The following PTPRT variants were observed in gnomAD, a reference collection of about 807,000 sequenced individuals.
PTPRT encodes receptor-type tyrosine-protein phosphatase T.
PTPRT carries 56 observed loss-of-function variants against 176.8 expected under a neutral mutation model. That is an observed-to-expected ratio of 0.32 (90% CI 0.26 to 0.40). The LOEUF (loss-of-function observed/expected upper bound fraction) is 0.40, where lower values mean the gene tolerates loss of function less well. Ranked by LOEUF, PTPRT falls within the 10% of genes least tolerant of loss-of-function variation. The pLI, the probability that PTPRT is intolerant of heterozygous loss-of-function variation, is 1.00. For synonymous variants in PTPRT, 783 were observed against 739.0 expected (o/e 1.06, Z -0.96); for missense variants, 1,540 against 1,908.2 (o/e 0.81, Z 3.60).
At chr20:43,075,837 A>G (rs1202506872) in intron 1 of PTPRT, among the ~76,000 whole-genome samples, 1 of 152,238 alleles carries the variant, frequency 6.6e-6, no homozygotes, top group Admixed American at 6.5e-5. Context: ...CACAGTTAGA[A>G]TTTCTAAAGC....
chr20:42,630,333 C>A (rs942417884), intron 7 of PTPRT, among the ~76,000 whole-genome samples: 3 of 152,250 alleles, frequency 2.0e-5, no homozygotes, highest in African/African-American at 7.2e-5. Flanking sequence ...ATCTGACTCC[C>A]AGAAGGCCAG....
Position 42,437,711 on chromosome 20 carries a change from G to C in PTPRT, c.1560+10509C>G, listed in dbSNP as rs752073757. 5.4e-4 allele frequency among the ~76,000 whole-genome samples: 82 copies of C among 152,064 alleles called. 2 individuals are homozygous for C. Among genetic ancestry groups the C allele is most frequent in the Non-Finnish European group, 2.2e-4 (15 of 68,028 alleles). On this transcript the variant is annotated intron_variant, in intron 9 of 30. Transcript: ENST00000373187. ...AAAATGCCCATTGACTTAAGGTGAG[G>C]GGAGAAAAACCACCTGCTAGCTCCC...
chr20:42,444,276 T>G (rs1265578767), intron 9 of PTPRT, among the ~76,000 whole-genome samples: 1 of 148,966 alleles, frequency 6.7e-6, no homozygotes, highest in East Asian at 2.0e-4. Context: ...TCAGAGACTT[T>G]GGCTGGCTTA....
At chr20:42,986,219 C>G (rs368262439) in intron 1 of PTPRT, among the ~76,000 whole-genome samples, 1 of 152,326 alleles carries the variant, frequency 6.6e-6, no homozygotes, top group East Asian at 1.9e-4. Flanking sequence ...GAAATGGGAG[C>G]GGCCTCAAGC....
chr20:42,798,087 C>A (rs1394357637), intron 2 of PTPRT, among the ~76,000 whole-genome samples: 4 of 152,188 alleles, frequency 2.6e-5, no homozygotes, highest in Admixed American at 6.5e-5. Context: ...CTACGCATGT[C>A]CCTGCTGCTA....
chr20:42,440,052 A>G (rs1339013006), intron 9 of PTPRT, among the ~76,000 whole-genome samples: 1 of 151,852 alleles, frequency 6.6e-6, no homozygotes, highest in Non-Finnish European at 1.5e-5. Context: ...GACTACAGGC[A>G]TGCGCCACCA....
At chr20:42,043,185 A>G in the PTPRT span, among the ~76,000 whole-genome samples, 1 of 152,216 alleles carries the variant, frequency 6.6e-6, no homozygotes, top group Non-Finnish European at 1.5e-5. Flanking sequence ...AAGCTTTCCC[A>G]AGACTTTTCC....
chr20:42,256,770 G>A lies in PTPRT; in HGVS notation c.2177-7948C>T, dbSNP rs190271762. 3.5e-4 allele frequency among the ~76,000 whole-genome samples: 54 copies of A among 152,258 alleles called. No individual in the cohort carries two copies. In the East Asian group the frequency reaches 9.5e-3, roughly 27 times the overall value. ...AGACAATGCTGGGGAAACTCAGAGGGTGGTAGTATCAGGAAGCCACTACCC... is the reference window on the plus strand; with the variant it reads ...AGACAATGCTGGGGAAACTCAGAGGATGGTAGTATCAGGAAGCCACTACCC... On this transcript the variant is annotated intron_variant, in intron 13 of 30. Coordinates refer to ENST00000373187, the MANE Select transcript of PTPRT (RefSeq NM_007050.6).
At chr20:42,389,020 G>A (rs765050731) in intron 9 of PTPRT, among the ~76,000 whole-genome samples, 17 of 151,320 alleles carry the variant, frequency 1.1e-4, no homozygotes, top group African/African-American at 2.2e-4. Flanking sequence ...GCAAACTATC[G>A]CAAGGACAAA....
intron 7 of PTPRT, among the ~76,000 whole-genome samples, chr20:42,482,241 T>TTTAA: frequency 6.6e-6 from 1 of 152,100 alleles, no homozygotes; most frequent in Non-Finnish European, 1.5e-5. Context: ...GCAAGGAGGC[T>TTTAA]AATGGCCACA....
At chr20:42,935,533 T>C (rs1238259521) in intron 1 of PTPRT, among the ~76,000 whole-genome samples, 1 of 151,922 alleles carries the variant, frequency 6.6e-6, no homozygotes, top group Non-Finnish European at 1.5e-5. Context: ...AAGACAGAGA[T>C]TATTGAGAGC....
rs564722543 is a variant in PTPRT at position 42,357,180 on chromosome 20, T to C, written c.1561-4895A>G. ...AAGTCAAATTCAATCTACCATCTGT[T>C]TTTGTAAGTAAAGTTTTATTGGAAA... On this transcript the variant is annotated intron_variant, in intron 9 of 30. Transcript: ENST00000373187. 1.1e-4 allele frequency among the ~76,000 whole-genome samples: 17 copies of C among 152,258 alleles called. No homozygotes were observed. In the South Asian group the frequency reaches 3.5e-3, roughly 32 times the overall value.
intron 1 of PTPRT, among the ~76,000 whole-genome samples, chr20:43,041,546 C>A (rs991531272): frequency 6.6e-6 from 1 of 152,176 alleles, no homozygotes; most frequent in Non-Finnish European, 1.5e-5. Context: ...CCTATAAGAG[C>A]CTTGCCAGCC....
intron 7 of PTPRT, among the ~76,000 whole-genome samples, chr20:42,654,214 C>T (rs1244737555): frequency 2.6e-5 from 4 of 152,114 alleles, no homozygotes; most frequent in African/African-American, 9.7e-5. Context: ...AGAGAATGAA[C>T]AGCAGCAAGG....
At chr20:43,043,110 G>A (rs1986692107) in intron 1 of PTPRT, among the ~76,000 whole-genome samples, 1 of 152,162 alleles carries the variant, frequency 6.6e-6, no homozygotes, top group South Asian at 2.1e-4. Context: ...TGGTCTTAAT[G>A]AAAAGGAAGC....
At chr20:42,037,619 C>G in the PTPRT span, among the ~76,000 whole-genome samples, 1 of 152,122 alleles carries the variant, frequency 6.6e-6, no homozygotes, top group Non-Finnish European at 1.5e-5. Context: ...CTGGGAAAGT[C>G]CAGCTGAGAG....
Position 43,160,291 on chromosome 20 carries a change from C to T in PTPRT, c.88+29355G>A, listed in dbSNP as rs545752712. On this transcript the variant is annotated intron_variant, in intron 1 of 30. Transcript: ENST00000373187. ...GAATAAATCTGAAAGAAGTTGACCA[C>T]GCTGAGACGGACCAGGCTTGGTTAC... Among the ~76,000 whole-genome samples, 13 of 152,298 alleles carry T rather than the reference C, an allele frequency of 8.5e-5. No homozygotes were observed. The East Asian group carries it at 2.1e-3, about 25-fold the overall frequency.
intron 1 of PTPRT, among the ~76,000 whole-genome samples, chr20:43,103,377 T>C (rs1019935836): frequency 3.3e-5 from 5 of 152,178 alleles, no homozygotes; most frequent in Non-Finnish European, 5.9e-5. Flanking sequence ...ACACTCTTGA[T>C]AAAGCCCCTG....
intron 1 of PTPRT, among the ~76,000 whole-genome samples, chr20:43,148,434 CTGT>C (rs1273005008): frequency 1.3e-5 from 2 of 152,154 alleles, no homozygotes; most frequent in Non-Finnish European, 2.9e-5. Flanking sequence ...TCTCTCAGCA[CTGT>C]TGTTGTATGT....
Sources: gnomAD v4.1 joint callset for allele counts (sites outside exome capture counted in the v4.1 genomes callset) on GRCh38, gnomAD v4.1.1 for gene constraint, MANE v1.5 for transcripts, NCBI Gene and HGNC (gene_info 2026-07-23, HGNC 2026-07-21) for gene names.